SGCZ: variants seen among roughly 807,000 people sequenced by gnomAD.
The protein encoded by SGCZ is zeta-sarcoglycan.
Under a neutral mutation model 41.3 loss-of-function variants are expected in SGCZ, and 40 were observed. The observed-to-expected ratio is 0.97, with a 90% confidence interval of 0.75 to 1.26. The LOEUF is 1.26. SGCZ is among the 50% of genes most tolerant of loss of function. SGCZ has a pLI of 0.00. For synonymous variants in SGCZ, 206 were observed against 137.5 expected, an observed-to-expected ratio of 1.50 and a Z score of -3.49; for missense variants, 552 against 369.8, an observed-to-expected ratio of 1.49 and a Z score of -4.04.
intron 1 of SGCZ, among the ~76,000 whole-genome samples, chr8:15,013,404 T>A (rs1361770348): frequency 1.3e-5 from 2 of 152,170 alleles, no homozygotes; most frequent in Non-Finnish European, 2.9e-5. Context: ...TGGGGTGCAT[T>A]TAATCTTGCC....
chr8:14,913,888 T>C (rs1220072203), intron 1 of SGCZ, among the ~76,000 whole-genome samples: 1 of 151,990 alleles, frequency 6.6e-6, no homozygotes, highest in Non-Finnish European at 1.5e-5. Flanking sequence ...GTCATTAGAA[T>C]GATAAAAGCA....
chr8:14,412,465 C>A (rs1356945047), intron 2 of SGCZ, among the ~76,000 whole-genome samples: 1 of 152,216 alleles, frequency 6.6e-6, no homozygotes, highest in South Asian at 2.1e-4. Context: ...AAATGAATTG[C>A]ATTTCCAATT....
rs182459359 is a variant in SGCZ at position 14,697,553 on chromosome 8, T to G, written c.40-142627A>C. 1.7e-3 allele frequency among the ~76,000 whole-genome samples: 253 copies of G among 152,180 alleles called. 2 individuals carry two copies. In the South Asian group the frequency reaches 0.018, roughly 11 times the overall value. On this transcript the variant is annotated intron_variant, in intron 1 of 7. Coordinates refer to ENST00000382080, the MANE Select transcript of SGCZ (RefSeq NM_139167.4). ...TAAACTTGTTCTGCTGATTATCGGT[T>G]CTTTTGTGAATTCAATAATTAGCTC...
intron 1 of SGCZ, among the ~76,000 whole-genome samples, chr8:14,824,406 T>A (rs1802219400): frequency 6.6e-6 from 1 of 152,146 alleles, no homozygotes; most frequent in Non-Finnish European, 1.5e-5. Context: ...TAATAAATTT[T>A]AAAAATTTTC....
intron 2 of SGCZ, among the ~76,000 whole-genome samples, chr8:14,481,988 A>G (rs1423586254): frequency 6.6e-6 from 1 of 152,208 alleles, no homozygotes; most frequent in African/African-American, 2.4e-5. Context: ...CACACCATTG[A>G]CAGCAGAACC....
chr8:14,092,307 T>A (rs1241819132), intron 7 of SGCZ, among the ~76,000 whole-genome samples: 1 of 152,126 alleles, frequency 6.6e-6, no homozygotes, highest in Non-Finnish European at 1.5e-5. Flanking sequence ...GTGGGCTCTT[T>A]TTTGGTTCCA....
At chr8:14,911,364 T>A (rs1799274978) in intron 1 of SGCZ, among the ~76,000 whole-genome samples, 1 of 152,016 alleles carries the variant, frequency 6.6e-6, no homozygotes, top group Non-Finnish European at 1.5e-5. Context: ...AATGCCTATT[T>A]TTCTTAGGAA....
chr8:14,816,111 A>T (rs1406209442), intron 1 of SGCZ, among the ~76,000 whole-genome samples: 2 of 152,240 alleles, frequency 1.3e-5, no homozygotes, highest in African/African-American at 4.8e-5. Flanking sequence ...TGGTATTTTT[A>T]AAAATATTGA....
At chr8:14,613,188 T>C (rs565960958) in intron 1 of SGCZ, among the ~76,000 whole-genome samples, 1 of 152,114 alleles carries the variant, frequency 6.6e-6, no homozygotes, top group Non-Finnish European at 1.5e-5. Flanking sequence ...AGGACCTAAA[T>C]GAGAGGTCAC....
intron 1 of SGCZ, among the ~76,000 whole-genome samples, chr8:15,030,978 T>C (rs1343437622): frequency 6.6e-6 from 1 of 152,124 alleles, no homozygotes; most frequent in Non-Finnish European, 1.5e-5. Flanking sequence ...ATTATATATG[T>C]AGACAAGTTT....
intron 2 of SGCZ, among the ~76,000 whole-genome samples, chr8:14,434,915 G>C (rs1455201075): frequency 1.3e-5 from 2 of 152,114 alleles, no homozygotes; most frequent in Admixed American, 1.3e-4. Context: ...TGGAGAGCAA[G>C]TCCTCACCAG....
chr8:14,878,160 A>C (rs557950954), intron 1 of SGCZ, among the ~76,000 whole-genome samples: 2 of 151,962 alleles, frequency 1.3e-5, no homozygotes, highest in East Asian at 3.9e-4. Context: ...TTTACACTTG[A>C]AAGCCAAATC....
chr8:14,943,767 T>C (rs1256853564), intron 1 of SGCZ, among the ~76,000 whole-genome samples: 1 of 152,156 alleles, frequency 6.6e-6, no homozygotes, highest in Non-Finnish European at 1.5e-5. Flanking sequence ...TTTCTGTTTT[T>C]CCCCTCTTTG....
At chr8:15,140,132 C>A (rs1177297556) in intron 1 of SGCZ, among the ~76,000 whole-genome samples, 1 of 152,074 alleles carries the variant, frequency 6.6e-6, no homozygotes, top group Non-Finnish European at 1.5e-5. Context: ...CAACATTCCT[C>A]CTATCTTAGC....
chr8:14,578,502 C>A (rs1410356243), intron 1 of SGCZ, among the ~76,000 whole-genome samples: 3 of 152,104 alleles, frequency 2.0e-5, no homozygotes, highest in Non-Finnish European at 2.9e-5. Flanking sequence ...AGTTATTTTT[C>A]TAGAATTTCA....
In SGCZ at chr8:14,693,581, G is replaced by T. The variant is rs1416247835; in HGVS notation, c.40-138655C>A. Among the ~76,000 whole-genome samples, 2 of 105,350 alleles carry T rather than the reference G, an allele frequency of 1.9e-5. 1 individual carries two copies. The highest frequency in any genetic ancestry group is 3.8e-5 in the Non-Finnish European group (2 of 52,558). The allele number at this position is 105,350 out of a possible 152,430, so 69.1% of individuals were successfully genotyped here. ...TTACAGGCGTCAGCTACCACGACTGGCTTTTTTTTTTTTTTTTTTTTTTTT... is the reference window on the plus strand; with the variant it reads ...TTACAGGCGTCAGCTACCACGACTGTCTTTTTTTTTTTTTTTTTTTTTTTT... On this transcript the variant is annotated intron_variant, in intron 1 of 7. Transcript: ENST00000382080.
At chr8:14,588,660 A>G (rs1049748513) in intron 1 of SGCZ, among the ~76,000 whole-genome samples, 4 of 152,174 alleles carry the variant, frequency 2.6e-5, no homozygotes, top group Admixed American at 6.5e-5. Context: ...TAAAAACGTT[A>G]GGAAGGGAGG....
intron 2 of SGCZ, among the ~76,000 whole-genome samples, chr8:14,509,503 G>A (rs1448482865): frequency 6.6e-6 from 1 of 152,068 alleles, no homozygotes; most frequent in Admixed American, 6.6e-5. Flanking sequence ...TTAATCTGCT[G>A]AAGAATCATT....
intron 3 of SGCZ, among the ~76,000 whole-genome samples, chr8:14,258,214 T>A (rs964955597): frequency 6.7e-6 from 1 of 149,538 alleles, no homozygotes; most frequent in African/African-American, 2.4e-5. Context: ...AATTCTGTGT[T>A]TCCCCCATGT....
Sources: gnomAD v4.1 joint callset for allele counts (sites outside exome capture counted in the v4.1 genomes callset) on GRCh38, gnomAD v4.1.1 for gene constraint, MANE v1.5 for transcripts, NCBI Gene and HGNC (gene_info 2026-07-23, HGNC 2026-07-21) for gene names.